The following SYNE1 variants were observed in gnomAD, a reference collection of about 807,000 sequenced individuals.
The protein encoded by SYNE1 is nesprin-1.
Under a neutral mutation model 1,111.0 loss-of-function variants are expected in SYNE1, and 616 were observed. The observed-to-expected ratio is 0.55, with a 90% CI of 0.52 to 0.59. The LOEUF (loss-of-function observed/expected upper bound fraction) is 0.59. Ranked by LOEUF, SYNE1 falls within the 20% of genes least tolerant of loss-of-function variation. SYNE1 has a pLI of 0.00. For synonymous variants in SYNE1, 3,855 were observed against 3,825.8 expected (o/e 1.01, Z -0.28); for missense variants, 10,006 against 10,417.0 (o/e 0.96, Z 1.72).
At chr6:152,562,027 T>A (rs1350653615) in intron 3 of SYNE1, among the ~76,000 whole-genome samples, 1 of 152,024 alleles carries the variant, frequency 6.6e-6, no homozygotes, top group African/African-American at 2.4e-5. Flanking sequence ...TATGACCTTA[T>A]AAGCACAGCC....
chr6:152,443,988 AGT>A (rs1263944016), intron 30 of SYNE1, among the ~76,000 whole-genome samples: 3 of 152,240 alleles, frequency 2.0e-5, no homozygotes, highest in Admixed American at 2.0e-4. Flanking sequence ...CTCAAACTAA[AGT>A]GTGTTCAGCG....
At chr6:152,441,965 G>A in intron 31 of SYNE1, 110 bp downstream of exon 31, 2 of 1,289,460 alleles carry the variant, frequency 1.6e-6, no homozygotes, top group Admixed American at 1.7e-5. Context: ...TTAACACAGG[G>A]CTGAAACATC....
At chr6:152,479,501 C>A (rs185931820) in intron 14 of SYNE1, among the ~76,000 whole-genome samples, 3 of 152,246 alleles carry the variant, frequency 2.0e-5, no homozygotes, top group African/African-American at 7.2e-5. Context: ...ACATTTTAAG[C>A]CTAGTGCTGA....
chr6:152,180,774 A>G (rs1172290515), intron 128 of SYNE1, among the ~76,000 whole-genome samples: 2 of 152,178 alleles, frequency 1.3e-5, no homozygotes, highest in Non-Finnish European at 2.9e-5. Context: ...AGCCTCAGGT[A>G]TCTAGAGAGT....
At chr6:152,620,714 T>C (rs140869620) in intron 3 of SYNE1, among the ~76,000 whole-genome samples, 4 of 152,154 alleles carry the variant, frequency 2.6e-5, no homozygotes, top group Admixed American at 2.6e-4. Flanking sequence ...TCTTGACTTG[T>C]CAAAAATAAC....
intron 100 of SYNE1, among the ~76,000 whole-genome samples, chr6:152,262,803 A>T (rs771154236): frequency 1.3e-5 from 2 of 151,652 alleles, no homozygotes; most frequent in Non-Finnish European, 2.9e-5. Flanking sequence ...GGAAGGAAGT[A>T]TAGGACATGG....
chr6:152,407,484 T>C (rs1438037680), intron 44 of SYNE1, among the ~76,000 whole-genome samples: 1 of 152,178 alleles, frequency 6.6e-6, no homozygotes, highest in Non-Finnish European at 1.5e-5. Flanking sequence ...TATAACTCAA[T>C]ATAAGGTTGA....
intron 3 of SYNE1, among the ~76,000 whole-genome samples, chr6:152,626,846 C>T (rs1287689176): frequency 1.3e-5 from 2 of 152,160 alleles, no homozygotes; most frequent in African/African-American, 4.8e-5. Context: ...TAGCTGTGAG[C>T]ATGTTCTGGG....
At chr6:152,513,055 C>T (rs1564564587) in intron 6 of SYNE1, among the ~76,000 whole-genome samples, 1 of 152,112 alleles carries the variant, frequency 6.6e-6, no homozygotes, top group Non-Finnish European at 1.5e-5. Flanking sequence ...TCACCTTGGA[C>T]CCATTAAACC....
At chr6:152,359,654 A>G (rs939698378) in intron 64 of SYNE1, among the ~76,000 whole-genome samples, 196 bp from the exon 65 acceptor site, 3 of 131,260 alleles carry the variant, frequency 2.3e-5, no homozygotes, top group Admixed American at 2.2e-4. Context: ...GTGTGTGTGT[A>G]TTTTATGTCT....
At chr6:152,318,795 C>T (rs2095799842) in intron 85 of SYNE1, 68 bp downstream of exon 85, 1 of 1,587,674 alleles carries the variant, frequency 6.3e-7, no homozygotes, top group South Asian at 1.1e-5. Flanking sequence ...TCCTATATCC[C>T]CAAGTAAAAC....
At chr6:152,377,027 T>C (rs1220134160) in intron 56 of SYNE1, 115 bp from the exon 57 acceptor site, 15 of 1,315,176 alleles carry the variant, frequency 1.1e-5, no homozygotes, top group Non-Finnish European at 1.5e-5. Flanking sequence ...AGAACCAACA[T>C]GGTAGATTCA....
chr6:152,454,371 C>T lies in SYNE1; in HGVS notation c.2893-651G>A, dbSNP rs555963633. On this transcript the variant is annotated intron_variant, in intron 24 of 145. Coordinates refer to ENST00000367255, the MANE Select transcript of SYNE1 (RefSeq NM_182961.4). ...TGGGGTCCTCATGATAGGATTAGTG[C>T]GCTTATGAGGAGGGACACCAGAAAG... 3.3e-5 allele frequency among the ~76,000 whole-genome samples: 5 copies of T among 152,212 alleles called. No homozygotes were observed. The South Asian group carries it at 8.3e-4, about 25-fold the overall frequency.
chr6:152,221,531 T>C lies in SYNE1; in HGVS notation c.21551A>G (p.Glu7184Gly), dbSNP rs2080180826. ...QNLQDDLEKQ[E>G]RSLQKFGSIT... ...AGAGCCAAATTTCTGTAAGCTCCTT[T>C]CCTGTTTTTCCAGATCATCTTGGAG... is the stretch of plus-strand genomic sequence containing the variant. Residue 7184 changes from glutamate (E) to glycine (G), a missense_variant, in exon 118 of 146, where the codon GAA becomes GGA. Physicochemically the swap from Glu to Gly is moderately conservative, Grantham distance 98 (BLOSUM62 -2). Around this residue, in one of 7 missense-constraint regions of SYNE1, gnomAD observed 2,182 missense variants for 2,287.8 expected, o/e 0.95. Transcript: ENST00000367255. 3 of 1,613,914 alleles carry C rather than the reference T, an allele frequency of 1.9e-6. No homozygotes were observed. The African/African-American group carries it at 4.0e-5, about 22-fold the overall frequency.
chr6:152,438,114 A>G (rs2154218870), intron 32 of SYNE1, among the ~76,000 whole-genome samples: 1 of 152,338 alleles, frequency 6.6e-6, no homozygotes, highest in South Asian at 2.1e-4. Context: ...ATAGAGATTT[A>G]TAGTACACTA....
chr6:152,266,369 G>A (rs2092698430), intron 100 of SYNE1, among the ~76,000 whole-genome samples: 1 of 152,098 alleles, frequency 6.6e-6, no homozygotes, highest in African/African-American at 2.4e-5. Flanking sequence ...CAAAATATTT[G>A]TTTGGCAAAA....
chr6:152,472,498 G>C, intron 14 of SYNE1, 85 bp from the exon 15 acceptor site: 1 of 1,220,494 alleles, frequency 8.2e-7, no homozygotes, highest in Admixed American at 1.9e-5. Context: ...CCGCACCGAT[G>C]AGTCAATGTA....
chr6:152,150,206 T>A (rs1373388041), intron 135 of SYNE1, among the ~76,000 whole-genome samples: 1 of 152,172 alleles, frequency 6.6e-6, no homozygotes, highest in African/African-American at 2.4e-5. Context: ...AACAAGGAAT[T>A]CCAGGAGGAT....
At chr6:152,456,918 A>G (rs1304888119) in intron 22 of SYNE1, 2 of 240,654 alleles carry the variant, frequency 8.3e-6, no homozygotes, top group Non-Finnish European at 1.7e-5. Flanking sequence ...CAGAATAAAG[A>G]CATACTTTTT....
Sources: allele counts gnomAD v4.1 joint callset (sites outside exome capture counted in the v4.1 genomes callset), GRCh38; gene constraint gnomAD v4.1.1; regional missense constraint gnomAD v4.1.1; transcripts MANE v1.5; gene names NCBI Gene and HGNC (gene_info 2026-07-23, HGNC 2026-07-21).